The following SNTB1 variants were observed in gnomAD, a reference collection of about 807,000 sequenced individuals.
The protein encoded by SNTB1 is syntrophin beta 1, also known as beta-1-syntrophin.
A neutral mutation model predicts 48.9 loss-of-function variants in SNTB1; 36 were observed. That is an observed-to-expected ratio of 0.74 (90% CI 0.56 to 0.97). SNTB1 has a LOEUF of 0.97. Among genes scored for constraint, SNTB1 ranks in the 50% least tolerant of loss-of-function variants. SNTB1 has a pLI of 0.00. For synonymous variants in SNTB1, 299 were observed against 294.6 expected, an observed-to-expected ratio of 1.01 and a Z score of -0.15; for missense variants, 786 against 703.4, an observed-to-expected ratio of 1.12 and a Z score of -1.33.
At chr8:120,755,083 T>C (rs1472738693) in intron 1 of SNTB1, among the ~76,000 whole-genome samples, 1 of 151,782 alleles carries the variant, frequency 6.6e-6, no homozygotes, top group African/African-American at 2.4e-5. Flanking sequence ...CTTCACACAG[T>C]AGTGACACAG....
intron 1 of SNTB1, among the ~76,000 whole-genome samples, chr8:120,770,374 T>C (rs1411656135): frequency 6.6e-6 from 1 of 151,458 alleles, no homozygotes; most frequent in Non-Finnish European, 1.5e-5. Context: ...CTCCTTAAGA[T>C]ATGAGCTAGG....
In SNTB1 at chr8:120,778,834, A is replaced by G. The variant is rs1819782949; in HGVS notation, c.571+32439T>C. Among the ~76,000 whole-genome samples, 3 of 152,234 alleles carry G rather than the reference A, an allele frequency of 2.0e-5. No individual in the cohort carries two copies. In the South Asian group the frequency reaches 6.2e-4, roughly 31 times the overall value. Reference sequence around the variant, plus strand: ...TTGATTGAGACTGGAATAGTCTAAAAAAACTGAAAAAACAATGACATATTG... The same window carrying G: ...TTGATTGAGACTGGAATAGTCTAAAGAAACTGAAAAAACAATGACATATTG... On this transcript the variant is annotated intron_variant, in intron 1 of 6. Transcript: ENST00000517992.
At chr8:120,688,904 G>C (rs138357662) in intron 2 of SNTB1, among the ~76,000 whole-genome samples, 2 of 151,992 alleles carry the variant, frequency 1.3e-5, no homozygotes, top group African/African-American at 2.4e-5. Flanking sequence ...GTGGGAAATG[G>C]GGAAAGAGCA....
chr8:120,769,377 T>C (rs1819580755), intron 1 of SNTB1: 2 of 152,194 alleles, frequency 1.3e-5, no homozygotes, highest in African/African-American at 4.8e-5. Context: ...CTCCTCCTAT[T>C]GACAAGTGAG....
At chr8:120,805,406 A>C (rs1249000281) in intron 1 of SNTB1, among the ~76,000 whole-genome samples, 1 of 152,198 alleles carries the variant, frequency 6.6e-6, no homozygotes, top group Non-Finnish European at 1.5e-5. Flanking sequence ...AAGGGTCCTT[A>C]AAAATGAAAG....
intron 1 of SNTB1, among the ~76,000 whole-genome samples, chr8:120,770,647 T>C (rs1210802292): frequency 3.9e-5 from 6 of 152,046 alleles, no homozygotes; most frequent in Non-Finnish European, 7.4e-5. Context: ...ACCCTGTCTT[T>C]ACTAAAAATA....
chr8:120,793,406 T>C (rs1820070503), intron 1 of SNTB1, among the ~76,000 whole-genome samples: 1 of 152,094 alleles, frequency 6.6e-6, no homozygotes, highest in Admixed American at 6.6e-5. Context: ...GATAACCTCC[T>C]GGTGGATTTT....
chr8:120,683,366 C>T (rs1817970548), intron 2 of SNTB1, among the ~76,000 whole-genome samples: 1 of 151,998 alleles, frequency 6.6e-6, no homozygotes, highest in Non-Finnish European at 1.5e-5. Flanking sequence ...ATGCTTCTGC[C>T]ACTGACACCT....
intron 5 of SNTB1, 94 bp from the exon 6 acceptor site, chr8:120,542,094 C>G: frequency 1.3e-6 from 1 of 777,760 alleles, no homozygotes. Context: ...TCAGTCCCAG[C>G]GATCAGCTAC....
chr8:120,775,854 T>C (rs1819727323), intron 1 of SNTB1, among the ~76,000 whole-genome samples: 1 of 152,170 alleles, frequency 6.6e-6, no homozygotes, highest in African/African-American at 2.4e-5. Context: ...ACAGTCTAAG[T>C]GCCATTCTTT....
chr8:120,577,189 T>A (rs1240970815), intron 3 of SNTB1, among the ~76,000 whole-genome samples: 2 of 152,218 alleles, frequency 1.3e-5, no homozygotes, highest in African/African-American at 4.8e-5. Flanking sequence ...GATGATCACC[T>A]TTATATTTTA....
chr8:120,546,390 A>G (rs1337360640), intron 5 of SNTB1, among the ~76,000 whole-genome samples: 1 of 152,226 alleles, frequency 6.6e-6, no homozygotes, highest in East Asian at 1.9e-4. Flanking sequence ...ATGGAGTACA[A>G]CTTAGCAAAT....
chr8:120,555,847 C>G lies in SNTB1; in HGVS notation c.1137-6889G>C, dbSNP rs141128390. Among the ~76,000 whole-genome samples the G allele has an allele frequency of 5.0e-3, 759 of 152,270 alleles. 4 individuals are homozygous for G. Among genetic ancestry groups the G allele is most frequent in the African/African-American group, 0.016 (682 of 41,536 alleles). On this transcript the variant is annotated intron_variant, in intron 4 of 6. Coordinates refer to ENST00000517992, the MANE Select transcript of SNTB1 (RefSeq NM_021021.4). Reference sequence around the variant, plus strand: ...GAAGAGAAGCCAAAAATCTCTCCCCCTCCCGTGCACTCACAGAGGAAAGAC... The same window carrying G: ...GAAGAGAAGCCAAAAATCTCTCCCCGTCCCGTGCACTCACAGAGGAAAGAC...
intron 4 of SNTB1, among the ~76,000 whole-genome samples, chr8:120,564,221 T>C (rs75910578): frequency 4.6e-5 from 7 of 152,290 alleles, no homozygotes; most frequent in African/African-American, 9.6e-5. Flanking sequence ...GTATTTGAGA[T>C]AGGGCCTAAG....
chr8:120,682,882 T>G (rs1437463492), intron 2 of SNTB1, among the ~76,000 whole-genome samples: 4 of 144,650 alleles, frequency 2.8e-5, no homozygotes, highest in Admixed American at 2.7e-4. Context: ...TGTTTTTAGT[T>G]TTTTTTTTTT....
chr8:120,796,519 T>C (rs770007889), intron 1 of SNTB1, among the ~76,000 whole-genome samples: 2 of 152,004 alleles, frequency 1.3e-5, no homozygotes, highest in Non-Finnish European at 2.9e-5. Context: ...AACACAGGTC[T>C]GGAGTTAAAA....
intron 2 of SNTB1, among the ~76,000 whole-genome samples, chr8:120,655,528 C>T (rs1817486990): frequency 6.6e-6 from 1 of 152,186 alleles, no homozygotes; most frequent in South Asian, 2.1e-4. Context: ...CATCCTGCCT[C>T]TTCCCATTAG....
At chr8:120,711,550 G>A (rs564313756) in intron 1 of SNTB1, among the ~76,000 whole-genome samples, 1 of 152,170 alleles carries the variant, frequency 6.6e-6, no homozygotes, top group African/African-American at 2.4e-5. Flanking sequence ...AGCTGTGCAG[G>A]CCGTCAGGTG....
At position 120,541,896 on chromosome 8, in the gene SNTB1, G is replaced by C. The variant is rs367808278; in HGVS notation, c.1438C>G (p.Gln480Glu). The change falls in exon 6 of 7, where the codon CAG (glutamine) becomes GAG (glutamate). Residue 480 changes from glutamine to glutamate, a missense_variant. By Grantham distance (29) the Gln-to-Glu change is conservative. Transcript: ENST00000517992. ...QEGAFPKTII[Q>E]SPYEKLKMSS... Reference sequence around the variant, plus strand: ...ATTTTGAGCTTTTCATAAGGAGACTGTATGATGGTCTTGGGAAAGGCACCC... The same window carrying C: ...ATTTTGAGCTTTTCATAAGGAGACTCTATGATGGTCTTGGGAAAGGCACCC... 1.7e-5 allele frequency: 27 copies of C among 1,613,694 alleles called. No individual in the cohort carries two copies. The highest frequency in any genetic ancestry group is 1.6e-4 in the Middle Eastern group (1 of 6,084).
Sources: allele counts gnomAD v4.1 joint callset (sites outside exome capture counted in the v4.1 genomes callset), GRCh38; gene constraint gnomAD v4.1.1; transcripts MANE v1.5; gene names NCBI Gene and HGNC (gene_info 2026-07-23, HGNC 2026-07-21).